The following USP6NL variants were observed in gnomAD, a reference collection of about 807,000 sequenced individuals.
The protein encoded by USP6NL is USP6 N-terminal-like protein.
A neutral mutation model predicts 61.9 loss-of-function variants in USP6NL; 26 were observed. That is an observed-to-expected ratio of 0.42 (90% CI 0.31 to 0.58). USP6NL has a LOEUF of 0.58. USP6NL is among the 20% of genes least tolerant of loss of function. The pLI is 0.16. For synonymous variants in USP6NL, 432 were observed against 390.1 expected (o/e 1.11, Z -1.27); for missense variants, 1,114 against 1,034.3 (o/e 1.08, Z -1.06).
At chr10:11,477,757 A>T (rs1401791982) in intron 14 of USP6NL, among the ~76,000 whole-genome samples, 4 of 152,226 alleles carry the variant, frequency 2.6e-5, no homozygotes, top group Non-Finnish European at 5.9e-5. Flanking sequence ...AGTAAAGTTT[A>T]TCCAAGAATT....
At position 11,518,896 on chromosome 10, in the gene USP6NL, G is replaced by A. The variant is rs574854897; in HGVS notation, c.156-322C>T. On this transcript the variant is annotated intron_variant, in intron 4 of 14. Transcript: ENST00000609104. The surrounding 1 kb of genome is among the most constrained non-coding windows in gnomAD (Gnocchi z 5.3). ...CACAGTTCAAGTGCATGAATGTCAC[G>A]TAGCTAGAAGCCACCATATTGAACG... is the stretch of plus-strand genomic sequence containing the variant. 9.8e-5 allele frequency among the ~76,000 whole-genome samples: 15 copies of A among 152,340 alleles called. No individual in the cohort carries two copies. Among genetic ancestry groups the A allele is most frequent in the East Asian group, 7.7e-4 (4 of 5,192 alleles).
chr10:11,564,887 T>C (rs1421952483), intron 2 of USP6NL: 1 of 152,254 alleles, frequency 6.6e-6, no homozygotes, highest in Non-Finnish European at 1.5e-5. Flanking sequence ...TGATACAAAG[T>C]AACTTGCACA....
At position 11,518,911 on chromosome 10, in the gene USP6NL, C is replaced by T. The variant is rs1304651641; in HGVS notation, c.156-337G>A. Among the ~76,000 whole-genome samples the T allele has an allele frequency of 1.3e-5, 2 of 152,172 alleles. No homozygotes were observed. Among genetic ancestry groups the T allele is most frequent in the African/African-American group, 4.8e-5 (2 of 41,432 alleles). On this transcript the variant is annotated intron_variant, in intron 4 of 14. Coordinates refer to ENST00000609104, the MANE Select transcript of USP6NL (RefSeq NM_014688.5). This position sits in a 1 kb window ranked among gnomAD's most constrained non-coding sequence, Gnocchi z 5.3. ...TGAATGTCACGTAGCTAGAAGCCACCATATTGAACGGTACAGATATAGAAC... is the reference window on the plus strand; with the variant it reads ...TGAATGTCACGTAGCTAGAAGCCACTATATTGAACGGTACAGATATAGAAC...
chr10:11,460,654 T>TATAAAA lies in USP6NL; in HGVS notation c.*1786_*1787insTTTTAT, dbSNP rs879066038. Reference sequence around the variant, plus strand: ...ATATATATATATATATATATATATATAAAAATCTACAGTATTTACCACTGT... The same window carrying TATAAAA: ...ATATATATATATATATATATATATATATAAAAAAAAATCTACAGTATTTACCACTGT... On this transcript the variant is annotated 3_prime_UTR_variant, in exon 15 of 15. Coordinates refer to ENST00000609104, the MANE Select transcript of USP6NL (RefSeq NM_014688.5). The TATAAAA allele has an allele frequency of 1.5e-5, 2 of 133,570 alleles. No individual in the cohort carries two copies. The highest frequency in any genetic ancestry group is 6.2e-5 in the African/African-American group (2 of 32,138). The allele number at this position is 133,570 out of a possible 1,614,324, so 8.3% of individuals were successfully genotyped here. A position where few individuals can be genotyped will look rare whatever the true frequency, so the allele number is the denominator to read the frequency against.
At position 11,476,285 on chromosome 10, in the gene USP6NL, A is replaced by G. The variant is rs923095223; in HGVS notation, c.1078+5485T>C. On this transcript the variant is annotated intron_variant, in intron 14 of 14. Transcript: ENST00000609104. This position sits in a 1 kb window ranked among gnomAD's most constrained non-coding sequence, Gnocchi z 4.3. ...CACTGTTACACTTGTTAGTGTAGCAATGGCATTGTGGTTGGCTGGGGGAAG... is the reference window on the plus strand; with the variant it reads ...CACTGTTACACTTGTTAGTGTAGCAGTGGCATTGTGGTTGGCTGGGGGAAG... 6.6e-6 allele frequency among the ~76,000 whole-genome samples: 1 copy of G among 152,168 alleles called. No individual in the cohort carries two copies. The highest frequency in any genetic ancestry group is 6.5e-5 in the Admixed American group (1 of 15,282).
chr10:11,519,639 C>CAAAT (rs199995086), intron 4 of USP6NL, among the ~76,000 whole-genome samples: 2,738 of 151,902 alleles, frequency 0.018, 85 homozygotes, highest in African/African-American at 0.061. Flanking sequence ...TCAAAATAAA[C>CAAAT]AAATAAATAA....
rs539866211 is a variant in USP6NL at position 11,551,002 on chromosome 10, G to T, written c.5-23435C>A. Among the ~76,000 whole-genome samples the T allele has an allele frequency of 2.0e-5, 3 of 152,258 alleles. No individual in the cohort carries two copies. The East Asian group carries it at 5.8e-4, about 29-fold the overall frequency. ...CATCAAGTGCTGCTAAGGATATGGA[G>T]CATCTAGAACTCTCCTGCAGCATGC... On this transcript the variant is annotated intron_variant, in intron 2 of 14. Transcript: ENST00000609104.
At chr10:11,531,319 T>TTTTTTTTC (rs1321161778) in intron 2 of USP6NL, among the ~76,000 whole-genome samples, 1 of 151,996 alleles carries the variant, frequency 6.6e-6, no homozygotes, top group Non-Finnish European at 1.5e-5. Flanking sequence ...AACTACTTTA[T>TTTTTTTTC]TTTTTTTCTT....
rs1833048190 is a variant in USP6NL at position 11,478,217 on chromosome 10, G to C, written c.1078+3553C>G. Among the ~76,000 whole-genome samples, 1 of 152,196 alleles carries C rather than the reference G, an allele frequency of 6.6e-6. No homozygotes were observed. Among genetic ancestry groups the C allele is most frequent in the Non-Finnish European group, 1.5e-5 (1 of 68,032 alleles). On this transcript the variant is annotated intron_variant, in intron 14 of 14. Transcript: ENST00000609104. This position sits in a 1 kb window ranked among gnomAD's most constrained non-coding sequence, Gnocchi z 6.8. The stretch of plus-strand genomic sequence containing the variant: ...TGACTCTGTTTGGGTCTCCTCTGCA[G>C]AGCCCCTGCTTAGGCTCCAACGCCA...
At chr10:11,477,002 G>A (rs1832995191) in intron 14 of USP6NL, among the ~76,000 whole-genome samples, 1 of 152,150 alleles carries the variant, frequency 6.6e-6, no homozygotes, top group South Asian at 2.1e-4. Context: ...CTCCCGAGTA[G>A]TTGGGATTAC....
chr10:11,477,931 T>C (rs1418359336), intron 14 of USP6NL, among the ~76,000 whole-genome samples: 1 of 152,224 alleles, frequency 6.6e-6, no homozygotes, highest in Non-Finnish European at 1.5e-5. Context: ...ATGAATACTT[T>C]CTAGCTATTT....
At chr10:11,509,770 A>T in intron 5 of USP6NL, 95 bp from the exon 6 acceptor site, 2 of 1,060,852 alleles carry the variant, frequency 1.9e-6, no homozygotes, top group Non-Finnish European at 2.7e-6. Context: ...AAAAGGAACT[A>T]AAAAAGTTAT....
Position 11,532,673 on chromosome 10 carries a change from A to G in USP6NL, c.5-5106T>C, listed in dbSNP as rs1835706008. Reference sequence around the variant, plus strand: ...AAATAAAACTTGTCACAGAGCAACAAAAAAATTTTTATTTAAAACATTAAA... The same window carrying G: ...AAATAAAACTTGTCACAGAGCAACAGAAAAATTTTTATTTAAAACATTAAA... On this transcript the variant is annotated intron_variant, in intron 2 of 14. Coordinates refer to ENST00000609104, the MANE Select transcript of USP6NL (RefSeq NM_014688.5). The surrounding 1 kb of genome is among the most constrained non-coding windows in gnomAD (Gnocchi z 4.1). 6.6e-6 allele frequency among the ~76,000 whole-genome samples: 1 copy of G among 152,190 alleles called. No individual in the cohort carries two copies. Among genetic ancestry groups the G allele is most frequent in the East Asian group, 1.9e-4 (1 of 5,202 alleles).
intron 2 of USP6NL, among the ~76,000 whole-genome samples, chr10:11,533,072 C>T (rs1162674454): frequency 6.6e-6 from 1 of 152,186 alleles, no homozygotes; most frequent in Non-Finnish European, 1.5e-5. Flanking sequence ...ACATTAATTA[C>T]ACTTAACTGG....
chr10:11,583,987 T>C (rs1837881355), intron 2 of USP6NL, among the ~76,000 whole-genome samples: 1 of 151,914 alleles, frequency 6.6e-6, no homozygotes, highest in South Asian at 2.1e-4. Flanking sequence ...CGAGATCACG[T>C]CACTGCACTC....
intron 7 of USP6NL, among the ~76,000 whole-genome samples, chr10:11,497,411 CAA>C (rs11307707): frequency 4.8e-4 from 51 of 106,020 alleles, no homozygotes; most frequent in Admixed American, 7.5e-4. Flanking sequence ...GACTCAGTCT[CAA>C]AAAAAAAAAA....
At position 11,499,584 on chromosome 10, in the gene USP6NL, A is replaced by G. The variant is rs949540765; in HGVS notation, c.384+1517T>C. On this transcript the variant is annotated intron_variant, in intron 7 of 14. Coordinates refer to ENST00000609104, the MANE Select transcript of USP6NL (RefSeq NM_014688.5). This position sits in a 1 kb window ranked among gnomAD's most constrained non-coding sequence, Gnocchi z 4.5. ...AGGGTGGACCCTACATGCAATAACT[A>G]TTGTCCCTATCAGGAAAGACAGACA... Among the ~76,000 whole-genome samples the G allele has an allele frequency of 5.3e-5, 8 of 152,102 alleles. No homozygotes were observed. The highest frequency in any genetic ancestry group is 1.9e-4 in the African/African-American group (8 of 41,422).
In USP6NL at chr10:11,574,425, A is replaced by G. The variant is rs1166369217; in HGVS notation, c.4+23206T>C. On this transcript the variant is annotated intron_variant, in intron 2 of 14. Coordinates refer to ENST00000609104, the MANE Select transcript of USP6NL (RefSeq NM_014688.5). This position sits in a 1 kb window ranked among gnomAD's most constrained non-coding sequence, Gnocchi z 4.3. ...CTCAACATCCAGCGGCATGGACCAG[A>G]TAATTTCAAAACAAGTATAACCACT... 6.6e-6 allele frequency among the ~76,000 whole-genome samples: 1 copy of G among 152,268 alleles called. No homozygotes were observed. Among genetic ancestry groups the G allele is most frequent in the East Asian group, 1.9e-4 (1 of 5,202 alleles).
At chr10:11,577,127 A>G (rs1837578348) in intron 2 of USP6NL, among the ~76,000 whole-genome samples, 2 of 146,590 alleles carry the variant, frequency 1.4e-5, no homozygotes, top group African/African-American at 5.1e-5. Context: ...GTGCGATCTC[A>G]GCTCACTGCA....
Sources: gnomAD v4.1 joint callset for allele counts (sites outside exome capture counted in the v4.1 genomes callset) on GRCh38, gnomAD v4.1.1 for gene constraint, Gnocchi (gnomAD v3.1) non-coding constraint, MANE v1.5 for transcripts, NCBI Gene and HGNC (gene_info 2026-07-23, HGNC 2026-07-21) for gene names.